PLCB4: variants seen among roughly 807,000 people sequenced by gnomAD.
PLCB4 encodes the protein 1-phosphatidylinositol 4,5-bisphosphate phosphodiesterase beta-4.
In PLCB4, 77 loss-of-function variants were observed where a neutral mutation model predicts 178.8. The ratio of observed to expected loss-of-function variants is 0.43; its 90% CI spans 0.36 to 0.52. The LOEUF (loss-of-function observed/expected upper bound fraction) is 0.52. Among genes scored for constraint, PLCB4 ranks in the 20% least tolerant of loss-of-function variants. The pLI, the probability that PLCB4 is intolerant of heterozygous loss-of-function variation, is 0.00. For synonymous variants in PLCB4, 496 were observed against 490.8 expected, an observed-to-expected ratio of 1.01 and a Z score of -0.14; for missense variants, 1,024 against 1,453.4, an observed-to-expected ratio of 0.70 and a Z score of 4.80.
chr20:9,438,380 AAAAG>A (rs1400111873), intron 30 of PLCB4, among the ~76,000 whole-genome samples: 8 of 149,478 alleles, frequency 5.4e-5, no homozygotes, highest in Non-Finnish European at 7.4e-5. Flanking sequence ...AAAAAAAAAA[AAAAG>A]AAAGAAAGAA....
chr20:9,191,171 A>G (rs751785857), intron 2 of PLCB4, among the ~76,000 whole-genome samples: 2 of 152,152 alleles, frequency 1.3e-5, no homozygotes, highest in Non-Finnish European at 2.9e-5. Context: ...ATACAGTAGT[A>G]AAATAAATTA....
chr20:9,391,428 G>A (rs1400321836), intron 17 of PLCB4, among the ~76,000 whole-genome samples: 1 of 152,154 alleles, frequency 6.6e-6, no homozygotes, highest in East Asian at 1.9e-4. Context: ...AGCAGCACCT[G>A]ATGGGCTCAA....
At chr20:9,218,660 C>A (rs1884895) in intron 3 of PLCB4, among the ~76,000 whole-genome samples, 1 of 152,124 alleles carries the variant, frequency 6.6e-6, no homozygotes, top group Non-Finnish European at 1.5e-5. Context: ...GATTTTCTTC[C>A]GGCCTTTCCA....
chr20:9,215,668 A>G (rs1003903441), intron 2 of PLCB4, among the ~76,000 whole-genome samples: 5 of 152,158 alleles, frequency 3.3e-5, no homozygotes, highest in African/African-American at 1.2e-4. Flanking sequence ...TCATGGTAAA[A>G]TATTACATAA....
At chr20:9,137,890 T>TAATG (rs2092415365) in intron 2 of PLCB4, among the ~76,000 whole-genome samples, 1 of 152,056 alleles carries the variant, frequency 6.6e-6, no homozygotes, top group South Asian at 2.1e-4. Context: ...ATTAACTCAA[T>TAATG]AATGAATGAT....
At chr20:9,318,886 A>G (rs1394335222) in intron 4 of PLCB4, among the ~76,000 whole-genome samples, 4 of 152,184 alleles carry the variant, frequency 2.6e-5, no homozygotes, top group African/African-American at 9.7e-5. Flanking sequence ...CTTCTTCTCA[A>G]CCTGCAGTAT....
intron 2 of PLCB4, among the ~76,000 whole-genome samples, chr20:9,190,796 C>A (rs2147136560): frequency 6.6e-6 from 1 of 152,232 alleles, no homozygotes; most frequent in African/African-American, 2.4e-5. Context: ...TATTCTCCCT[C>A]ACAATAACCC....
chr20:9,211,801 T>A (rs2093675900), intron 2 of PLCB4, among the ~76,000 whole-genome samples: 1 of 152,240 alleles, frequency 6.6e-6, no homozygotes, highest in Admixed American at 6.5e-5. Context: ...CTAATGCCCA[T>A]GCATTCTACA....
intron 2 of PLCB4, among the ~76,000 whole-genome samples, chr20:9,200,337 C>G (rs1416244905): frequency 6.6e-6 from 1 of 152,190 alleles, no homozygotes; most frequent in East Asian, 1.9e-4. Context: ...AAAATCTGTA[C>G]TGAATCCAAC....
chr20:9,186,644 C>G (rs1020983350), intron 2 of PLCB4, among the ~76,000 whole-genome samples: 10 of 152,178 alleles, frequency 6.6e-5, no homozygotes, highest in African/African-American at 2.4e-4. Flanking sequence ...AAGCGGTTTG[C>G]CATGTGCCAA....
At chr20:9,092,246 T>A (rs2090715812) in intron 1 of PLCB4, among the ~76,000 whole-genome samples, 1 of 152,226 alleles carries the variant, frequency 6.6e-6, no homozygotes, top group South Asian at 2.1e-4. Context: ...CATTGCTGTC[T>A]TTTTTGTCAT....
At chr20:9,345,515 G>C (rs1899301269) in intron 7 of PLCB4, among the ~76,000 whole-genome samples, 1 of 152,134 alleles carries the variant, frequency 6.6e-6, no homozygotes, top group Non-Finnish European at 1.5e-5. Context: ...TGAAATCACA[G>C]TCACTAGACG....
At chr20:9,091,810 T>G (rs2090691623) in intron 1 of PLCB4, among the ~76,000 whole-genome samples, 1 of 151,972 alleles carries the variant, frequency 6.6e-6, no homozygotes, top group Non-Finnish European at 1.5e-5. Flanking sequence ...TTTCTAGAAG[T>G]GATGCTTACA....
At chr20:9,193,076 C>T (rs1204251127) in intron 2 of PLCB4, among the ~76,000 whole-genome samples, 2 of 152,216 alleles carry the variant, frequency 1.3e-5, no homozygotes, top group Non-Finnish European at 1.5e-5. Flanking sequence ...TGCATGTTCA[C>T]TCATCATTCA....
intron 36 of PLCB4, among the ~76,000 whole-genome samples, 191 bp downstream of exon 36, chr20:9,468,863 G>T (rs1035952960): frequency 2.0e-5 from 3 of 152,038 alleles, no homozygotes; most frequent in Non-Finnish European, 4.4e-5. Context: ...CACATTTTCT[G>T]GTTGCTTACT....
chr20:9,216,798 C>T (rs1028591327), intron 2 of PLCB4, among the ~76,000 whole-genome samples: 2 of 152,180 alleles, frequency 1.3e-5, no homozygotes, highest in African/African-American at 2.4e-5. Context: ...AGCCACTGCA[C>T]CCGGCCACTT....
At chr20:9,239,646 AG>A (rs2094034516) in intron 3 of PLCB4, among the ~76,000 whole-genome samples, 2 of 152,178 alleles carry the variant, frequency 1.3e-5, no homozygotes, top group Admixed American at 6.5e-5. Context: ...CAGAACTAAC[AG>A]GACAGATGTA....
intron 4 of PLCB4, among the ~76,000 whole-genome samples, chr20:9,317,677 C>T (rs945394955): frequency 2.6e-5 from 4 of 152,106 alleles, no homozygotes; most frequent in Non-Finnish European, 5.9e-5. Context: ...TTACAAGGAG[C>T]TTGTGGAAAC....
At chr20:9,297,560 A>T (rs1175390197) in intron 3 of PLCB4, among the ~76,000 whole-genome samples, 2 of 152,148 alleles carry the variant, frequency 1.3e-5, no homozygotes, top group African/African-American at 4.8e-5. Context: ...TGTTTCTGAA[A>T]GATCAAAATA....
Sources: allele counts gnomAD v4.1 joint callset (sites outside exome capture counted in the v4.1 genomes callset), GRCh38; gene constraint gnomAD v4.1.1; transcripts MANE v1.5; gene names NCBI Gene and HGNC (gene_info 2026-07-23, HGNC 2026-07-21).